Variants in SERINC5 observed in about 807,000 individuals in gnomAD.
SERINC5 encodes the protein chromosome 5 open reading frame 12.
In SERINC5, 41 loss-of-function variants were observed where a neutral mutation model predicts 63.1. The observed-to-expected ratio is 0.65, with a 90% confidence interval of 0.51 to 0.84. The LOEUF is 0.84. Ranked by LOEUF, SERINC5 falls within the 40% of genes least tolerant of loss-of-function variation. The pLI is 0.00. For synonymous variants in SERINC5, 222 were observed against 215.2 expected (o/e 1.03, Z -0.28); for missense variants, 523 against 573.0 (o/e 0.91, Z 0.89).
chr5:80,187,401 A>T (rs1018188948), intron 2 of SERINC5, among the ~76,000 whole-genome samples: 3 of 152,100 alleles, frequency 2.0e-5, no homozygotes, highest in African/African-American at 7.2e-5. Flanking sequence ...TATTCCACTC[A>T]TCTTCAAACT....
At chr5:80,123,185 T>C (rs997228632) in intron 11 of SERINC5, among the ~76,000 whole-genome samples, 3 of 152,200 alleles carry the variant, frequency 2.0e-5, no homozygotes, top group Admixed American at 1.3e-4. Flanking sequence ...AACCTCAAAA[T>C]CGTGGGCTCA....
downstream of SERINC5, among the ~76,000 whole-genome samples, chr5:80,134,348 T>C (rs1745069582): frequency 6.6e-6 from 1 of 152,082 alleles, no homozygotes; most frequent in Admixed American, 6.6e-5. Flanking sequence ...TAGTCTGGCG[T>C]GGTGGCGTGC....
downstream of SERINC5, among the ~76,000 whole-genome samples, chr5:80,137,647 A>C (rs547290758): frequency 3.9e-3 from 585 of 150,448 alleles, 8 homozygotes; most frequent in South Asian, 0.046. Flanking sequence ...TAACTCAAAA[A>C]AAAAAAAAAG....
chr5:80,112,273 C>A (rs980789060), intron 12 of SERINC5, among the ~76,000 whole-genome samples: 3 of 152,198 alleles, frequency 2.0e-5, no homozygotes, highest in Non-Finnish European at 2.9e-5. Context: ...ATTCTTTATT[C>A]TGTTATTCTT....
intron 1 of SERINC5, among the ~76,000 whole-genome samples, chr5:80,245,336 A>G (rs1389238543): frequency 6.6e-6 from 1 of 151,476 alleles, no homozygotes; most frequent in Non-Finnish European, 1.5e-5. Context: ...AAGAGGACCC[A>G]CTCTCCCCGT....
intron 1 of SERINC5, among the ~76,000 whole-genome samples, chr5:80,254,844 A>C (rs1393905080): frequency 6.6e-6 from 1 of 152,194 alleles, no homozygotes; most frequent in Admixed American, 6.5e-5. Flanking sequence ...TGGCCACTCT[A>C]AACAGGACAG....
chr5:80,145,185 TA>T (rs547534960), intron 11 of SERINC5, among the ~76,000 whole-genome samples: 50 of 145,334 alleles, frequency 3.4e-4, no homozygotes, highest in African/African-American at 9.0e-4. Flanking sequence ...CTAAAAATAA[TA>T]AAAAAAAAAA....
intron 2 of SERINC5, among the ~76,000 whole-genome samples, chr5:80,181,126 AG>A (rs1408045883): frequency 1.4e-4 from 22 of 152,286 alleles, no homozygotes; most frequent in African/African-American, 5.1e-4. Context: ...GCAAGGTGCG[AG>A]GGGACAGCAG....
chr5:80,154,455 A>AG (rs1447499844), intron 8 of SERINC5, among the ~76,000 whole-genome samples: 10 of 152,066 alleles, frequency 6.6e-5, no homozygotes, highest in African/African-American at 2.4e-5. Context: ...CTGGGATTAC[A>AG]GGCGTGAGCC....
intron 1 of SERINC5, among the ~76,000 whole-genome samples, chr5:80,222,553 A>AGT (rs1554070041): frequency 5.8e-5 from 8 of 138,892 alleles, no homozygotes; most frequent in Non-Finnish European, 8.3e-5. Flanking sequence ...TTTGTGGGTG[A>AGT]GTGTGTGAGT....
At chr5:80,195,066 C>A (rs766821752) in intron 2 of SERINC5, among the ~76,000 whole-genome samples, 3 of 152,148 alleles carry the variant, frequency 2.0e-5, no homozygotes, top group Admixed American at 6.5e-5. Context: ...GCAGGTGGAT[C>A]ACCTGAGGTC....
Position 80,169,274 on chromosome 5 carries a change from G to T in SERINC5, c.763+61C>A, listed in dbSNP as rs115297651. 8,012 of 1,402,830 alleles carry T rather than the reference G, an allele frequency of 5.7e-3. 46 individuals are homozygous for T. The highest frequency in any genetic ancestry group is 0.01 in the Admixed American group (585 of 55,778). 86.9% of individuals were successfully genotyped at this position (1,402,830 alleles called of 1,614,324 possible). ...CAAAACAAAACAAAAAAAGCCATTG[G>T]GTTTGCTCAAAGACACTTAGGAAAA... On this transcript the variant is annotated intron_variant, in intron 6 of 11. Coordinates refer to ENST00000507668, the MANE Select transcript of SERINC5 (RefSeq NM_001174072.3).
At chr5:80,233,147 C>T (rs886450405) in intron 1 of SERINC5, among the ~76,000 whole-genome samples, 29 of 152,130 alleles carry the variant, frequency 1.9e-4, no homozygotes, top group Admixed American at 1.1e-3. Context: ...TCTTTAAGGC[C>T]GGGTGCAGTG....
intron 1 of SERINC5, among the ~76,000 whole-genome samples, chr5:80,213,257 A>G (rs28592797): frequency 5.8e-4 from 88 of 152,230 alleles, no homozygotes; most frequent in Non-Finnish European, 9.4e-4. Flanking sequence ...AAGAAAGAAA[A>G]AAGAAAGCTA....
intron 11 of SERINC5, among the ~76,000 whole-genome samples, chr5:80,123,368 G>T (rs1580018665): frequency 6.6e-6 from 1 of 152,280 alleles, no homozygotes; most frequent in East Asian, 1.9e-4. Context: ...CAGCTGGGAG[G>T]ATCCCAGGAT....
intron 1 of SERINC5, among the ~76,000 whole-genome samples, chr5:80,232,098 T>C (rs1004279472): frequency 3.2e-5 from 3 of 93,296 alleles, no homozygotes; most frequent in Non-Finnish European, 6.0e-5. Flanking sequence ...CAAGATTCTG[T>C]CTTAAAAAAA....
At chr5:80,244,219 C>CTT (rs1177734360) in intron 1 of SERINC5, among the ~76,000 whole-genome samples, 19 of 143,868 alleles carry the variant, frequency 1.3e-4, no homozygotes, top group African/African-American at 4.1e-4. Flanking sequence ...CCCCCAAGCA[C>CTT]TTTTTTTTTT....
At chr5:80,175,718 T>C (rs1185044537) in intron 4 of SERINC5, among the ~76,000 whole-genome samples, 1 of 150,052 alleles carries the variant, frequency 6.7e-6, no homozygotes, top group Non-Finnish European at 1.5e-5. Context: ...AAAAAAAAAC[T>C]CCAGGCATAG....
intron 1 of SERINC5, among the ~76,000 whole-genome samples, chr5:80,210,496 A>G (rs1486883405): frequency 6.6e-6 from 1 of 152,216 alleles, no homozygotes; most frequent in Non-Finnish European, 1.5e-5. Context: ...ATGCTCACAG[A>G]AACATGAGCT....
Sources: gnomAD v4.1 joint callset for allele counts (sites outside exome capture counted in the v4.1 genomes callset) on GRCh38, gnomAD v4.1.1 for gene constraint, MANE v1.5 for transcripts, NCBI Gene and HGNC (gene_info 2026-07-23, HGNC 2026-07-21) for gene names.